The following WTIP variants were observed in gnomAD, a reference collection of about 807,000 sequenced individuals.
WTIP encodes WT1 interacting protein, also known as Wilms tumor protein 1-interacting protein.
A neutral mutation model predicts 41.7 loss-of-function variants in WTIP; 23 were observed. The ratio of observed to expected loss-of-function variants is 0.55; its 90% CI spans 0.40 to 0.78. The LOEUF (loss-of-function observed/expected upper bound fraction) is 0.78, where lower values mean the gene tolerates loss of function less well. Ranked by LOEUF, WTIP falls within the 30% of genes least tolerant of loss-of-function variation. The pLI is 0.00. For missense variants in WTIP, 619 were observed against 610.5 expected, an observed-to-expected ratio of 1.01 and a Z score of -0.15; for synonymous variants, 314 against 269.9, an observed-to-expected ratio of 1.16 and a Z score of -1.60.
chr19:34,486,370 T>G (rs993503491), intron 1 of WTIP, among the ~76,000 whole-genome samples: 5 of 148,194 alleles, frequency 3.4e-5, no homozygotes, highest in African/African-American at 9.8e-5. Context: ...GTCAGTTTGT[T>G]TTTTTTTTTT....
In WTIP at chr19:34,481,901, G is replaced by A; in HGVS notation, c.-74G>A. 1 of 918,092 alleles carries A rather than the reference G, an allele frequency of 1.1e-6. No homozygotes were observed. Among genetic ancestry groups the A allele is most frequent in the Non-Finnish European group, 1.3e-6 (1 of 769,894 alleles). 56.9% of individuals were successfully genotyped at this position (918,092 alleles called of 1,614,324 possible). On this transcript the variant is annotated 5_prime_UTR_variant, in exon 1 of 8. Transcript: ENST00000590071. ...GGCGGGCTCCGGGCTTCGGGCGGAC[G>A]ATGCGGCGGCCCGGCCGGAGCGGCG... is the stretch of plus-strand genomic sequence containing the variant.
intron 7 of WTIP, among the ~76,000 whole-genome samples, chr19:34,498,891 C>CA (rs1018440538): frequency 1.0e-4 from 15 of 146,086 alleles, no homozygotes; most frequent in African/African-American, 1.5e-4. Context: ...GACTCTGTCT[C>CA]AAAAAAAACA....
Position 34,500,248 on chromosome 19 carries a change from TGTGCAC to T in WTIP, c.1275_1280del (p.His426_Val427del), listed in dbSNP as rs1186356879. 5 of 1,608,034 alleles carry T rather than the reference TGTGCAC, an allele frequency of 3.1e-6. No homozygotes were observed. The highest frequency in any genetic ancestry group is 8.5e-7 in the Non-Finnish European group (1 of 1,179,282). On this transcript the variant is annotated inframe_deletion, in exon 8 of 8. Transcript: ENST00000590071. Reference sequence around the variant, plus strand: ...AACCTGGGCCTCTTCCCTCACCCACTGTGCACGTCACTGAGCTCTGAGCAGGGGAAA... The same window carrying T: ...AACCTGGGCCTCTTCCCTCACCCACTGTCACTGAGCTCTGAGCAGGGGAAA...
In WTIP at chr19:34,493,415, G is replaced by T. The variant is rs914824909; in HGVS notation, c.901-77G>T. On this transcript the variant is annotated intron_variant, in intron 4 of 7. Transcript: ENST00000590071. This position sits in a 1 kb window ranked among gnomAD's most constrained non-coding sequence, Gnocchi z 4.1. ...CTCCCCTGCTCCAGACCTGCCAGGG[G>T]TTCAGGGCCAGAGCCTCTCCCAGGG... The T allele has an allele frequency of 5.6e-6, 9 of 1,596,264 alleles. No homozygotes were observed. Among genetic ancestry groups the T allele is most frequent in the South Asian group, 2.2e-5 (2 of 89,272 alleles).
chr19:34,488,089 T>C lies in WTIP; in HGVS notation c.668-2287T>C, dbSNP rs1011405581. Among the ~76,000 whole-genome samples, 4 of 152,048 alleles carry C rather than the reference T, an allele frequency of 2.6e-5. No homozygotes were observed. The East Asian group carries it at 7.7e-4, about 29-fold the overall frequency. ...CTGTCTGCTTCCTTTTTTTTTTTTT[T>C]CTTTGAGACGGAGTCTTACTCTGTC... is the stretch of plus-strand genomic sequence containing the variant. On this transcript the variant is annotated intron_variant, in intron 1 of 7. Transcript: ENST00000590071.
In WTIP at chr19:34,507,796, C is replaced by T. The variant is rs2075918762; in HGVS notation, c.*7527C>T. ...TTATTTCACAGAGGAAGCCCGAGCT[C>T]CCTGCTGAAGATGATAAATGATGCA... On this transcript the variant is annotated 3_prime_UTR_variant, in exon 8 of 8. Coordinates refer to ENST00000590071, the MANE Select transcript of WTIP (RefSeq NM_001080436.2). 6.6e-6 allele frequency: 1 copy of T among 152,244 alleles called. No homozygotes were observed. Among genetic ancestry groups the T allele is most frequent in the African/African-American group, 2.4e-5 (1 of 41,440 alleles). The allele number at this position is 152,244 out of a possible 1,614,324, so 9.4% of individuals were successfully genotyped here.
intron 1 of WTIP, among the ~76,000 whole-genome samples, chr19:34,485,910 T>C (rs566577306): frequency 1.3e-5 from 2 of 152,212 alleles, no homozygotes; most frequent in South Asian, 2.1e-4. Flanking sequence ...TTTTTCTCTC[T>C]GTCCAACCCC....
At position 34,497,785 on chromosome 19, in the gene WTIP, A is replaced by G. The variant is rs112106966; in HGVS notation, c.1152+2014A>G. Reference sequence around the variant, plus strand: ...TGTCAGGGTACCCAGGAGGGAGGACAAGGAGCAGGGATGGTCTGCAGAGGG... The same window carrying G: ...TGTCAGGGTACCCAGGAGGGAGGACGAGGAGCAGGGATGGTCTGCAGAGGG... On this transcript the variant is annotated intron_variant, in intron 7 of 7. Transcript: ENST00000590071. Among the ~76,000 whole-genome samples, 1,380 of 152,272 alleles carry G rather than the reference A, an allele frequency of 9.1e-3. 17 individuals are homozygous for G. Among genetic ancestry groups the G allele is most frequent in the African/African-American group, 0.032 (1,331 of 41,556 alleles).
At position 34,482,083 on chromosome 19, in the gene WTIP, C is replaced by A; in HGVS notation, c.109C>A (p.Pro37Thr). The part of the protein sequence containing the change: ...CGSPGRGRRG[P>T]RPGPGDEAAP... ...CTCTCCCGGTCGGGGGCGGCGGGGG[C>A]CGCGGCCTGGGCCTGGAGACGAGGC... is the stretch of plus-strand genomic sequence containing the variant. The change falls in exon 1 of 8, where the codon CCG becomes ACG. Residue 37 changes from proline to threonine, a missense_variant. Physicochemically the swap from Pro to Thr is conservative, Grantham distance 38 (BLOSUM62 -1). Around this residue, in one of 3 missense-constraint regions of WTIP, gnomAD observed 363 missense variants for 309.0 expected, o/e 1.17. Coordinates refer to ENST00000590071, the MANE Select transcript of WTIP (RefSeq NM_001080436.2). 1 of 1,037,692 alleles carries A rather than the reference C, an allele frequency of 9.6e-7. No individual in the cohort carries two copies. Among genetic ancestry groups the A allele is most frequent in the Non-Finnish European group, 1.2e-6 (1 of 865,228 alleles). The allele number at this position is 1,037,692 out of a possible 1,614,324, so 64.3% of individuals were successfully genotyped here.
intron 2 of WTIP, 73 bp from the exon 3 acceptor site, chr19:34,492,964 T>C: frequency 6.6e-7 from 1 of 1,512,582 alleles, no homozygotes; most frequent in Non-Finnish European, 9.2e-7. Context: ...AGGAGGGTGC[T>C]GAGAGCTGGA....
intron 1 of WTIP, among the ~76,000 whole-genome samples, chr19:34,485,368 C>T (rs2075792100): frequency 1.3e-5 from 2 of 152,290 alleles, no homozygotes; most frequent in Middle Eastern, 3.4e-3. Context: ...CAGGTGTGAG[C>T]CACCATGCCC....
Position 34,506,386 on chromosome 19 carries a change from A to G in WTIP, c.*6117A>G, listed in dbSNP as rs1376188826. 6.6e-6 allele frequency: 1 copy of G among 152,216 alleles called. No homozygotes were observed. Among genetic ancestry groups the G allele is most frequent in the Non-Finnish European group, 1.5e-5 (1 of 68,042 alleles). 9.4% of individuals were successfully genotyped at this position (152,216 alleles called of 1,614,324 possible). On this transcript the variant is annotated 3_prime_UTR_variant, in exon 8 of 8. Transcript: ENST00000590071. ...CAAGTTGGTGAAAACAGACTCTTCC[A>G]GGGAATTTTAACTTTTTATCATCCT...
chr19:34,496,948 C>T (rs930545938), intron 7 of WTIP, among the ~76,000 whole-genome samples: 2 of 152,218 alleles, frequency 1.3e-5, no homozygotes, highest in Admixed American at 6.5e-5. Context: ...CTGCAAGCTC[C>T]GCCTCCTGGG....
In WTIP at chr19:34,481,981, C is replaced by A; in HGVS notation, c.7C>A (p.Arg3Ser). Residue 3 changes from arginine to serine, a missense_variant, in exon 1 of 8, where the codon CGC becomes AGC. Physicochemically the swap from Arg to Ser is moderately radical, Grantham distance 110. Transcript: ENST00000590071. MQ[R>S]SRAGADEAAL... ...AGGGCCGGCGGGCCGGGCCATGCAG[C>A]GCTCCAGGGCGGGCGCGGACGAGGC... 2.0e-6 allele frequency: 2 copies of A among 1,008,098 alleles called. No individual in the cohort carries two copies. The highest frequency in any genetic ancestry group is 2.4e-6 in the Non-Finnish European group (2 of 846,216). 62.4% of individuals were successfully genotyped at this position (1,008,098 alleles called of 1,614,324 possible).
intron 2 of WTIP, among the ~76,000 whole-genome samples, chr19:34,492,477 G>A (rs1260214898): frequency 1.3e-5 from 2 of 150,372 alleles, no homozygotes; most frequent in African/African-American, 4.9e-5. Context: ...GTGACAGAGC[G>A]AGACCCTGTC....
rs1482282603 is a variant in WTIP at position 34,508,385 on chromosome 19, G to A, written c.*8116G>A. On this transcript the variant is annotated 3_prime_UTR_variant, in exon 8 of 8. Coordinates refer to ENST00000590071, the MANE Select transcript of WTIP (RefSeq NM_001080436.2). ...CCACTGCACCTGGCCTGTGAGGTGG[G>A]AAGTTTCAATACTCCCTTAGCCTTG... The A allele has an allele frequency of 6.6e-6, 1 of 152,034 alleles. No homozygotes were observed. The highest frequency in any genetic ancestry group is 2.4e-5 in the African/African-American group (1 of 41,370). 9.4% of individuals were successfully genotyped at this position (152,034 alleles called of 1,614,324 possible). A position where few individuals can be genotyped will look rare whatever the true frequency, so the allele number is the denominator to read the frequency against.
chr19:34,492,135 C>T (rs2075828681), intron 2 of WTIP, among the ~76,000 whole-genome samples: 1 of 127,768 alleles, frequency 7.8e-6, no homozygotes. Context: ...TTTTAAGAAG[C>T]AGGGTCTTAT....
Position 34,500,294 on chromosome 19 carries a change from CG to C in WTIP, c.*29del. The C allele has an allele frequency of 6.5e-7, 1 of 1,549,354 alleles. No individual in the cohort carries two copies. The highest frequency in any genetic ancestry group is 8.7e-7 in the Non-Finnish European group (1 of 1,147,774). On this transcript the variant is annotated 3_prime_UTR_variant, in exon 8 of 8. Transcript: ENST00000590071. ...AGCAGGGGAAAACCCGTCCCTGGGC[CG>C]GGGTGGGTGTGGGTGTGGAGGGAGG...
rs776135889 is a variant in WTIP, at chr19:34,500,162, C to A, written c.1186C>A (p.Arg396Ser). ...GCTGCAGCTGAGCGGGGAGGAGGGA[C>A]GCCGTTGCTATCCCCTGGCGGGCCA... ...CGLQLSGEEG[R>S]RCYPLAGHLL... The change falls in exon 8 of 8, where the codon CGC (arginine) becomes AGC (serine). Residue 396 changes from arginine to serine, a missense_variant. Arg to Ser is a moderately radical substitution (Grantham distance 110). Transcript: ENST00000590071. 24 of 1,601,508 alleles carry A rather than the reference C, an allele frequency of 1.5e-5. No homozygotes were observed. The highest frequency in any genetic ancestry group is 1.7e-4 in the Middle Eastern group (1 of 6,060).
Sources: gnomAD v4.1 joint callset for allele counts (sites outside exome capture counted in the v4.1 genomes callset) on GRCh38, gnomAD v4.1.1 for gene constraint, gnomAD v4.1.1 regional missense constraint, Gnocchi (gnomAD v3.1) non-coding constraint, MANE v1.5 for transcripts, NCBI Gene and HGNC (gene_info 2026-07-23, HGNC 2026-07-21) for gene names.